Variants in ARHGAP24 observed in about 807,000 individuals in gnomAD.
The protein encoded by ARHGAP24 is Rho GTPase activating protein 24, also known as rho GTPase-activating protein 24.
In ARHGAP24, 50 loss-of-function variants were observed where a neutral mutation model predicts 76.4. The observed-to-expected ratio is 0.65, with a 90% CI of 0.52 to 0.83. The LOEUF is 0.83. Ranked by LOEUF, ARHGAP24 falls within the 40% of genes least tolerant of loss-of-function variation. The probability of loss-of-function intolerance (pLI) is 0.00; values close to 1 mark genes in which losing one functional copy is unlikely to be tolerated. For missense variants in ARHGAP24, 930 were observed against 914.2 expected, an observed-to-expected ratio of 1.02 and a Z score of -0.22; for synonymous variants, 345 against 323.3, an observed-to-expected ratio of 1.07 and a Z score of -0.72.
At chr4:85,897,054 C>T (rs1175277962) in intron 3 of ARHGAP24, among the ~76,000 whole-genome samples, 2 of 152,128 alleles carry the variant, frequency 1.3e-5, no homozygotes, top group Non-Finnish European at 2.9e-5. Flanking sequence ...AAAGGTACTG[C>T]CCACTACAAC....
intron 2 of ARHGAP24, chr4:85,604,125 A>G (rs1428523953): frequency 6.6e-6 from 1 of 152,182 alleles, no homozygotes; most frequent in Non-Finnish European, 1.5e-5. Flanking sequence ...GGAATTTGAG[A>G]TTTCCTGTTT....
chr4:85,905,806 C>CA (rs1424874171), intron 3 of ARHGAP24, among the ~76,000 whole-genome samples: 4 of 151,884 alleles, frequency 2.6e-5, no homozygotes, highest in African/African-American at 9.7e-5. Flanking sequence ...TGATGCAAGG[C>CA]AAAAAAAACT....
At chr4:85,482,509 C>T in intron 1 of ARHGAP24, among the ~76,000 whole-genome samples, 1 of 152,090 alleles carries the variant, frequency 6.6e-6, no homozygotes, top group East Asian at 1.9e-4. Context: ...CCCTGCACAA[C>T]AGGTCAAGCT....
At chr4:85,916,913 T>A (rs74738265) in intron 3 of ARHGAP24, among the ~76,000 whole-genome samples, 5,325 of 152,256 alleles carry the variant, frequency 0.035, 224 homozygotes, top group East Asian at 0.092. Context: ...TTCTTTTTTT[T>A]ATTTTATTAT....
At chr4:85,967,310 A>G (rs531896197) in intron 5 of ARHGAP24, among the ~76,000 whole-genome samples, 2 of 152,236 alleles carry the variant, frequency 1.3e-5, no homozygotes, top group Non-Finnish European at 2.9e-5. Flanking sequence ...ATAAACTCAA[A>G]CGAAGAATAA....
At chr4:85,814,144 C>T (rs1284101882) in intron 3 of ARHGAP24, among the ~76,000 whole-genome samples, 1 of 152,060 alleles carries the variant, frequency 6.6e-6, no homozygotes, top group Non-Finnish European at 1.5e-5. Flanking sequence ...CACCAGTTTC[C>T]TCCCACAACA....
chr4:85,714,791 AC>A lies in ARHGAP24; in HGVS notation c.181-7089del, dbSNP rs199718381. ...CCATCTCTTTTCTCCCCCTGGTAGT[AC>A]CCCCAGGAATCTATGTAACTAATTT... On this transcript the variant is annotated intron_variant, in intron 2 of 9. Transcript: ENST00000395184. 5.3e-3 allele frequency among the ~76,000 whole-genome samples: 807 copies of A among 152,124 alleles called. 7 individuals carry two copies. The highest frequency in any genetic ancestry group is 0.018 in the African/African-American group (763 of 41,514).
intron 1 of ARHGAP24, among the ~76,000 whole-genome samples, chr4:85,545,796 T>C (rs1725900988): frequency 6.6e-6 from 1 of 152,210 alleles, no homozygotes; most frequent in South Asian, 2.1e-4. Context: ...TATGTATTAA[T>C]ATATGGGTCA....
chr4:85,669,049 G>A (rs1200261385), intron 2 of ARHGAP24, among the ~76,000 whole-genome samples: 1 of 152,056 alleles, frequency 6.6e-6, no homozygotes, highest in African/African-American at 2.4e-5. Flanking sequence ...TCTCTGAGTT[G>A]TTATCGCATT....
chr4:85,512,068 T>C (rs541784608), intron 1 of ARHGAP24, among the ~76,000 whole-genome samples: 55 of 152,352 alleles, frequency 3.6e-4, no homozygotes, highest in Admixed American at 2.4e-3. Context: ...GCCACAAACC[T>C]GTTTCCCAAA....
chr4:85,662,510 T>A (rs1722436402), intron 2 of ARHGAP24, among the ~76,000 whole-genome samples: 1 of 151,462 alleles, frequency 6.6e-6, no homozygotes, highest in South Asian at 2.1e-4. Context: ...GTGCAGAAGC[T>A]CTTTAGTTTA....
In ARHGAP24 at chr4:85,685,632, C is replaced by CA. The variant is rs57825725; in HGVS notation, c.181-36238dup. Reference sequence around the variant, plus strand: ...TGGGCGACAGAGCGAGACTCTGTCTCAAAAAAAAAAAAAAAGAAAAGAAAA... The same window carrying CA: ...TGGGCGACAGAGCGAGACTCTGTCTCAAAAAAAAAAAAAAAAGAAAAGAAAA... On this transcript the variant is annotated intron_variant, in intron 2 of 9. Coordinates refer to ENST00000395184, the MANE Select transcript of ARHGAP24 (RefSeq NM_001025616.3). Among the ~76,000 whole-genome samples the CA allele has an allele frequency of 2.0e-3, 249 of 124,408 alleles. 1 individual carries two copies. The highest frequency in any genetic ancestry group is 0.017 in the Middle Eastern group (4 of 230). 81.6% of individuals were successfully genotyped at this position (124,408 alleles called of 152,430 possible). A position where few individuals can be genotyped will look rare whatever the true frequency, so the allele number is the denominator to read the frequency against.
chr4:85,781,650 A>T (rs560645503), intron 3 of ARHGAP24, among the ~76,000 whole-genome samples: 2 of 152,234 alleles, frequency 1.3e-5, no homozygotes, highest in Admixed American at 1.3e-4. Context: ...GTATATGACA[A>T]ACTTTTCTGT....
intron 3 of ARHGAP24, among the ~76,000 whole-genome samples, chr4:85,755,452 C>G (rs1469903111): frequency 2.6e-5 from 4 of 152,016 alleles, no homozygotes; most frequent in Non-Finnish European, 5.9e-5. Flanking sequence ...CGCAACACAT[C>G]AAACGACAAT....
chr4:85,911,128 C>T (rs1156709002), intron 3 of ARHGAP24, among the ~76,000 whole-genome samples: 1 of 152,190 alleles, frequency 6.6e-6, no homozygotes, highest in Admixed American at 6.5e-5. Context: ...GCAGCTGCAC[C>T]TGCACCCAGG....
At chr4:85,746,524 T>C (rs1445080665) in intron 3 of ARHGAP24, among the ~76,000 whole-genome samples, 1 of 152,184 alleles carries the variant, frequency 6.6e-6, no homozygotes, top group African/African-American at 2.4e-5. Flanking sequence ...TTAACATTCA[T>C]GTCATACCCT....
intron 1 of ARHGAP24, among the ~76,000 whole-genome samples, chr4:85,506,191 A>G (rs1724040605): frequency 1.3e-5 from 2 of 152,126 alleles, no homozygotes; most frequent in South Asian, 2.1e-4. Flanking sequence ...GTTAGGCTAC[A>G]TGGGGGTCAG....
chr4:85,776,472 A>G (rs1727313026), intron 3 of ARHGAP24, among the ~76,000 whole-genome samples: 1 of 152,132 alleles, frequency 6.6e-6, no homozygotes, highest in African/African-American at 2.4e-5. Flanking sequence ...ATGGTTGCAA[A>G]AATGTTGTGC....
chr4:85,600,235 G>GA, intron 2 of ARHGAP24, among the ~76,000 whole-genome samples: 1 of 152,340 alleles, frequency 6.6e-6, no homozygotes, highest in South Asian at 2.1e-4. Context: ...ACTGCAGTGA[G>GA]AAGGGCTAGA....
Sources: allele counts gnomAD v4.1 joint callset (sites outside exome capture counted in the v4.1 genomes callset), GRCh38; gene constraint gnomAD v4.1.1; transcripts MANE v1.5; gene names NCBI Gene and HGNC (gene_info 2026-07-23, HGNC 2026-07-21).